HSDL2: variants seen among roughly 807,000 people sequenced by gnomAD.
HSDL2 encodes the protein hydroxysteroid dehydrogenase-like protein 2.
A neutral mutation model predicts 46.3 loss-of-function variants in HSDL2; 27 were observed. That is an observed-to-expected ratio of 0.58 (90% confidence interval 0.43 to 0.80). The LOEUF (loss-of-function observed/expected upper bound fraction) is 0.80, where lower values mean the gene tolerates loss of function less well. HSDL2 is among the 30% of genes least tolerant of loss of function. The probability of loss-of-function intolerance (pLI) is 0.00; values close to 1 mark genes in which losing one functional copy is unlikely to be tolerated. For missense variants in HSDL2, 451 were observed against 502.7 expected (o/e 0.90, Z 0.98); for synonymous variants, 153 against 163.6 (o/e 0.94, Z 0.50).
intron 1 of HSDL2, among the ~76,000 whole-genome samples, chr9:112,381,094 C>CACACACACACACACACAA (rs1554707215): frequency 6.9e-4 from 94 of 136,522 alleles, no homozygotes; most frequent in African/African-American, 2.4e-3. Context: ...CGGATACACA[C>CACACACACACACACACAA]ACACACACAC....
At position 112,406,436 on chromosome 9, in the gene HSDL2, A is replaced by G. The variant is rs572284747; in HGVS notation, c.280+714A>G. 2.8e-3 allele frequency among the ~76,000 whole-genome samples: 433 copies of G among 152,204 alleles called. 3 individuals are homozygous for G. The highest frequency in any genetic ancestry group is 5.0e-3 in the Non-Finnish European group (337 of 68,006). On this transcript the variant is annotated intron_variant, in intron 3 of 10. Transcript: ENST00000398805. Reference sequence around the variant, plus strand: ...ACAAAGTCAGTTCCCTCACCATGCCAACTAATCAGAATTATATTTTTCTTT... The same window carrying G: ...ACAAAGTCAGTTCCCTCACCATGCCGACTAATCAGAATTATATTTTTCTTT...
chr9:112,468,635 G>A (rs1463611865), intron 10 of HSDL2, among the ~76,000 whole-genome samples: 1 of 149,816 alleles, frequency 6.7e-6, no homozygotes, highest in African/African-American at 2.5e-5. Flanking sequence ...TCCTTCCTGT[G>A]CTCCTCCTCT....
At position 112,380,179 on chromosome 9, in the gene HSDL2, G is replaced by A. The variant is rs762833688; in HGVS notation, c.16G>A (p.Gly6Arg). Residue 6 changes from glycine (G) to arginine (R), a missense_variant and splice_region_variant, in exon 1 of 11, where the codon GGG becomes AGG. By Grantham distance (125) the Gly-to-Arg change is moderately radical. Transcript: ENST00000398805. ...TACGAAAGTCATGTTACCCAACACC[G>A]GGTAAGGGGGTAGGGGCGGCGCGGG... is the stretch of plus-strand genomic sequence containing the variant. Reference protein sequence around the residue: MLPNTGRLAGCTVFIT... With the variant: MLPNTRRLAGCTVFIT... The A allele has an allele frequency of 6.4e-7, 1 of 1,571,990 alleles. No homozygotes were observed. Among genetic ancestry groups the A allele is most frequent in the Admixed American group, 1.8e-5 (1 of 54,474 alleles).
At chr9:112,439,007 A>C (rs1462224380) in intron 7 of HSDL2, among the ~76,000 whole-genome samples, 1 of 152,106 alleles carries the variant, frequency 6.6e-6, no homozygotes, top group Non-Finnish European at 1.5e-5. Flanking sequence ...TTATGTATTT[A>C]TTTATTTATT....
At position 112,409,012 on chromosome 9, in the gene HSDL2, C is replaced by T; in HGVS notation, c.386C>T (p.Thr129Ile). 1 of 1,590,664 alleles carries T rather than the reference C, an allele frequency of 6.3e-7. No individual in the cohort carries two copies. The highest frequency in any genetic ancestry group is 8.6e-7 in the Non-Finnish European group (1 of 1,161,578). Reference sequence around the variant, plus strand: ...ATGATGAACGTGAACACCAGAGGCACCTACCTTGCGTAAGTTTGCAAGAAG... The same window carrying T: ...ATGATGAACGTGAACACCAGAGGCATCTACCTTGCGTAAGTTTGCAAGAAG... ...DLMMNVNTRG[T>I]YLASKACIPY... The change falls in exon 4 of 11, where the codon ACC (threonine) becomes ATC (isoleucine). Residue 129 changes from threonine (T) to isoleucine (I), a missense_variant. Physicochemically the swap from Thr to Ile is moderately conservative, Grantham distance 89. Transcript: ENST00000398805.
chr9:112,392,655 C>T (rs1283238842), intron 1 of HSDL2, among the ~76,000 whole-genome samples: 1 of 152,166 alleles, frequency 6.6e-6, no homozygotes, highest in African/African-American at 2.4e-5. Flanking sequence ...TTGCCTGACC[C>T]CACAGGCAGT....
chr9:112,391,483 T>C (rs923229497), intron 1 of HSDL2, among the ~76,000 whole-genome samples: 1 of 151,940 alleles, frequency 6.6e-6, no homozygotes, highest in African/African-American at 2.4e-5. Flanking sequence ...TGATAAAGAA[T>C]TTCTGCTAAT....
intron 6 of HSDL2, among the ~76,000 whole-genome samples, chr9:112,424,440 T>C (rs984126233): frequency 2.0e-5 from 3 of 152,142 alleles, no homozygotes; most frequent in Non-Finnish European, 4.4e-5. Flanking sequence ...ATAATTTATC[T>C]AGAGTCTCCT....
At chr9:112,447,247 T>G (rs574668082) in intron 8 of HSDL2, among the ~76,000 whole-genome samples, 2 of 152,326 alleles carry the variant, frequency 1.3e-5, no homozygotes, top group South Asian at 2.1e-4. Flanking sequence ...CTTACATATT[T>G]GTAGTCTGAT....
intron 1 of HSDL2, among the ~76,000 whole-genome samples, chr9:112,384,783 A>G (rs1416013918): frequency 6.6e-6 from 1 of 150,666 alleles, no homozygotes; most frequent in African/African-American, 2.4e-5. Flanking sequence ...ACAAGATCAA[A>G]ACAAAGGCAG....
At chr9:112,463,624 C>T (rs564259644) in intron 10 of HSDL2, among the ~76,000 whole-genome samples, 2 of 152,174 alleles carry the variant, frequency 1.3e-5, no homozygotes, top group African/African-American at 4.8e-5. Flanking sequence ...TTATTATAGC[C>T]ATTCTAGTGG....
chr9:112,465,159 C>T (rs147660942), intron 10 of HSDL2, among the ~76,000 whole-genome samples: 217 of 152,262 alleles, frequency 1.4e-3, no homozygotes, highest in Middle Eastern at 3.4e-3. Flanking sequence ...GACAGAGTCT[C>T]GCGCAGTCAC....
chr9:112,466,543 T>C (rs1393033409), intron 10 of HSDL2, among the ~76,000 whole-genome samples: 1 of 41,782 alleles, frequency 2.4e-5, no homozygotes, highest in Admixed American at 3.5e-4. Context: ...ACACAGAGAC[T>C]GTCTCAAAAA....
chr9:112,464,492 T>C (rs1275024197), intron 10 of HSDL2, among the ~76,000 whole-genome samples: 2 of 152,224 alleles, frequency 1.3e-5, no homozygotes, highest in African/African-American at 4.8e-5. Context: ...TTTTTTACCG[T>C]TGTGAAATGA....
At chr9:112,453,946 A>G (rs112636877) in intron 8 of HSDL2, 67 bp from the exon 9 acceptor site, 3 of 5,452 alleles carry the variant, frequency 5.5e-4, no homozygotes, top group East Asian at 5.1e-3. Flanking sequence ...CCTGCTGATT[A>G]ATTAATTCTG....
At chr9:112,402,064 A>G (rs546352190) in intron 1 of HSDL2, among the ~76,000 whole-genome samples, 4 of 152,268 alleles carry the variant, frequency 2.6e-5, no homozygotes, top group South Asian at 2.1e-4. Flanking sequence ...CTGTTAATCT[A>G]TCACCAATCT....
intron 6 of HSDL2, among the ~76,000 whole-genome samples, chr9:112,426,280 G>C (rs1454416388): frequency 6.8e-6 from 1 of 146,090 alleles, no homozygotes; most frequent in African/African-American, 2.5e-5. Context: ...CTGTCGCCCA[G>C]GCTGGAGTGC....
chr9:112,388,160 G>GA (rs200473691), intron 1 of HSDL2, among the ~76,000 whole-genome samples: 2,002 of 150,128 alleles, frequency 0.013, 71 homozygotes, highest in East Asian at 0.099. Context: ...GCCTGTCTCA[G>GA]AAAAAAACAA....
chr9:112,425,604 C>G (rs941521131), intron 6 of HSDL2, among the ~76,000 whole-genome samples: 3 of 151,884 alleles, frequency 2.0e-5, no homozygotes, highest in Non-Finnish European at 4.4e-5. Flanking sequence ...TCTGTGAGAG[C>G]CTTTGAGCTT....
Sources: allele counts gnomAD v4.1 joint callset (sites outside exome capture counted in the v4.1 genomes callset), GRCh38; gene constraint gnomAD v4.1.1; transcripts MANE v1.5; gene names NCBI Gene and HGNC (gene_info 2026-07-23, HGNC 2026-07-21).